KCNIP4: variants seen among roughly 807,000 people sequenced by gnomAD.
KCNIP4 encodes the protein Kv channel-interacting protein 4.
KCNIP4 carries 12 observed loss-of-function variants against 34.0 expected under a neutral mutation model. That is an observed-to-expected ratio of 0.35 (90% CI 0.23 to 0.57). The LOEUF (loss-of-function observed/expected upper bound fraction) is 0.57. Among genes scored for constraint, KCNIP4 ranks in the 20% least tolerant of loss-of-function variants. The pLI, the probability that KCNIP4 is intolerant of heterozygous loss-of-function variation, is 0.83. For synonymous variants in KCNIP4, 124 were observed against 102.2 expected (o/e 1.21, Z -1.29); for missense variants, 238 against 311.7 (o/e 0.76, Z 1.78).
At chr4:21,046,956 G>T (rs1398145464) in intron 1 of KCNIP4, among the ~76,000 whole-genome samples, 1 of 152,136 alleles carries the variant, frequency 6.6e-6, no homozygotes, top group African/African-American at 2.4e-5. Flanking sequence ...TCTTCTGCCT[G>T]CTCACACTAT....
At chr4:21,527,645 T>A (rs1736083755) in intron 1 of KCNIP4, among the ~76,000 whole-genome samples, 1 of 152,184 alleles carries the variant, frequency 6.6e-6, no homozygotes, top group African/African-American at 2.4e-5. Context: ...ACTCTTACAT[T>A]GTAGCTGTTA....
intron 1 of KCNIP4, among the ~76,000 whole-genome samples, chr4:21,088,052 C>A (rs1293653011): frequency 6.6e-6 from 1 of 152,102 alleles, no homozygotes; most frequent in Non-Finnish European, 1.5e-5. Context: ...CCAAAAATGT[C>A]TATTCAAATG....
At chr4:21,696,658 C>A (rs998873268) in intron 1 of KCNIP4, among the ~76,000 whole-genome samples, 1 of 152,074 alleles carries the variant, frequency 6.6e-6, no homozygotes, top group Admixed American at 6.5e-5. Context: ...TCATGAGCAA[C>A]AAAACTGTTG....
intron 1 of KCNIP4, among the ~76,000 whole-genome samples, chr4:21,247,356 A>G (rs1760283521): frequency 6.6e-6 from 1 of 151,924 alleles, no homozygotes; most frequent in Non-Finnish European, 1.5e-5. Context: ...GATTTTGTGA[A>G]CCAGAAATGC....
chr4:21,770,254 G>A (rs971088030), intron 1 of KCNIP4, among the ~76,000 whole-genome samples: 2 of 152,096 alleles, frequency 1.3e-5, no homozygotes, highest in Non-Finnish European at 2.9e-5. Context: ...TGTTGAGGAT[G>A]ATGGCTTCCA....
intron 1 of KCNIP4, among the ~76,000 whole-genome samples, chr4:21,152,727 C>G (rs1361386486): frequency 6.6e-6 from 1 of 152,106 alleles, no homozygotes; most frequent in Non-Finnish European, 1.5e-5. Context: ...TGGAAATGAG[C>G]AAAAGCCAGC....
chr4:21,254,614 T>C (rs902567637), intron 1 of KCNIP4, among the ~76,000 whole-genome samples: 1 of 152,202 alleles, frequency 6.6e-6, no homozygotes, highest in Non-Finnish European at 1.5e-5. Flanking sequence ...TCCCTATTTA[T>C]CATTTTTTGA....
At chr4:21,654,940 A>G (rs1207576899) in intron 1 of KCNIP4, among the ~76,000 whole-genome samples, 1 of 152,000 alleles carries the variant, frequency 6.6e-6, no homozygotes, top group Non-Finnish European at 1.5e-5. Flanking sequence ...AAAAGGAAAG[A>G]AAAAGAAAAC....
intron 1 of KCNIP4, among the ~76,000 whole-genome samples, chr4:21,292,503 T>G (rs1763587765): frequency 6.6e-6 from 1 of 152,188 alleles, no homozygotes; most frequent in Non-Finnish European, 1.5e-5. Context: ...AAATGCCTCC[T>G]TTATCTAAGT....
At chr4:20,786,467 G>T (rs1712006194) in intron 3 of KCNIP4, among the ~76,000 whole-genome samples, 1 of 151,964 alleles carries the variant, frequency 6.6e-6, no homozygotes, top group Admixed American at 6.6e-5. Flanking sequence ...AAGCCAAAGA[G>T]GCAAGTTATT....
intron 1 of KCNIP4, among the ~76,000 whole-genome samples, chr4:21,279,136 T>C (rs1211718188): frequency 6.6e-6 from 1 of 152,220 alleles, no homozygotes; most frequent in African/African-American, 2.4e-5. Flanking sequence ...GGAAACGTAA[T>C]ATGGCTTGCC....
chr4:20,878,100 G>A (rs1724263371), intron 2 of KCNIP4, among the ~76,000 whole-genome samples: 1 of 152,062 alleles, frequency 6.6e-6, no homozygotes, highest in African/African-American at 2.4e-5. Flanking sequence ...AAGACAGCAG[G>A]CTATGGAGTC....
At chr4:20,817,959 G>A (rs1716620803) in intron 3 of KCNIP4, among the ~76,000 whole-genome samples, 1 of 152,074 alleles carries the variant, frequency 6.6e-6, no homozygotes, top group Non-Finnish European at 1.5e-5. Context: ...CTGAATTGTG[G>A]GTAAAAAAAT....
intron 1 of KCNIP4, among the ~76,000 whole-genome samples, chr4:21,714,919 AT>A (rs1714141491): frequency 0.021 from 5 of 240 alleles, 1 homozygote; most frequent in Non-Finnish European, 0.03. Flanking sequence ...ATTTTATTTT[AT>A]TTTATTTTAT....
At chr4:20,794,999 G>A (rs1213309276) in intron 3 of KCNIP4, among the ~76,000 whole-genome samples, 1 of 152,132 alleles carries the variant, frequency 6.6e-6, no homozygotes, top group Non-Finnish European at 1.5e-5. Context: ...TCCCTTTCTG[G>A]TATTTGAGCT....
intron 1 of KCNIP4, among the ~76,000 whole-genome samples, chr4:21,834,276 C>G (rs993156966): frequency 6.6e-5 from 10 of 152,054 alleles, no homozygotes; most frequent in East Asian, 1.9e-4. Flanking sequence ...CTTGAGCAGT[C>G]GTCTGTAGTT....
chr4:21,681,531 AC>A (rs1750353164), intron 1 of KCNIP4, among the ~76,000 whole-genome samples: 2 of 152,108 alleles, frequency 1.3e-5, no homozygotes. Flanking sequence ...TTAACCTTGC[AC>A]TTTTGTGGTA....
intron 1 of KCNIP4, among the ~76,000 whole-genome samples, chr4:21,874,752 TA>T (rs1372856790): frequency 6.6e-6 from 1 of 152,228 alleles, no homozygotes; most frequent in Non-Finnish European, 1.5e-5. Context: ...GCCAGGATTC[TA>T]ATTTATATAA....
At chr4:21,142,883 C>A (rs1422847778) in intron 1 of KCNIP4, among the ~76,000 whole-genome samples, 1 of 152,100 alleles carries the variant, frequency 6.6e-6, no homozygotes, top group Non-Finnish European at 1.5e-5. Flanking sequence ...GTGAAGGAGA[C>A]CAACTCATTT....
Sources: gnomAD v4.1 joint callset for allele counts (sites outside exome capture counted in the v4.1 genomes callset) on GRCh38, gnomAD v4.1.1 for gene constraint, MANE v1.5 for transcripts, NCBI Gene and HGNC (gene_info 2026-07-23, HGNC 2026-07-21) for gene names.